The following PRKCB variants were observed in gnomAD, a reference collection of about 807,000 sequenced individuals.
PRKCB encodes the protein protein kinase C beta.
Under a neutral mutation model 81.5 loss-of-function variants are expected in PRKCB, and 13 were observed. The ratio of observed to expected loss-of-function variants is 0.16; its 90% CI spans 0.10 to 0.25. PRKCB has a LOEUF of 0.25. PRKCB is among the 10% of genes least tolerant of loss of function. The pLI is 1.00. For synonymous variants in PRKCB, 335 were observed against 321.4 expected (o/e 1.04, Z -0.45); for missense variants, 509 against 875.7 (o/e 0.58, Z 5.29).
chr16:24,104,872 G>T (rs980410242), intron 7 of PRKCB, among the ~76,000 whole-genome samples: 1 of 152,142 alleles, frequency 6.6e-6, no homozygotes, highest in African/African-American at 2.4e-5. Context: ...GCCTTGTCAG[G>T]ACTTTGTCTT....
intron 13 of PRKCB, among the ~76,000 whole-genome samples, chr16:24,182,136 C>T (rs1256766681): frequency 2.0e-5 from 3 of 152,066 alleles, no homozygotes; most frequent in Non-Finnish European, 4.4e-5. Context: ...GGACACAATC[C>T]ATAACACAAC....
At chr16:24,094,809 G>GAGGA (rs71154277) in intron 7 of PRKCB, among the ~76,000 whole-genome samples, 27,344 of 116,514 alleles carry the variant, frequency 0.23, 3,681 homozygotes, top group Non-Finnish European at 0.28. Flanking sequence ...GGAAGGGAGG[G>GAGGA]AGGAAGGAAG....
intron 9 of PRKCB, among the ~76,000 whole-genome samples, chr16:24,137,749 C>T (rs1966869853): frequency 6.6e-6 from 1 of 152,176 alleles, no homozygotes; most frequent in South Asian, 2.1e-4. Context: ...CAGCATAACC[C>T]ATAATCTTTT....
At position 24,212,402 on chromosome 16, in the gene PRKCB, TAAAA is replaced by T. The variant is rs35650101; in HGVS notation, c.1864-2239_1864-2236del. ...TTTCCACTCCCCATATTCTGTGCTTTAAAAAAAAAAAAAAAAAAAAGGTTTTTCA... is the reference window on the plus strand; with the variant it reads ...TTTCCACTCCCCATATTCTGTGCTTTAAAAAAAAAAAAAAAAGGTTTTTCA... On this transcript the variant is annotated intron_variant, in intron 16 of 16. Transcript: ENST00000643927. 4.0e-4 allele frequency among the ~76,000 whole-genome samples: 39 copies of T among 97,164 alleles called. 1 individual carries two copies. Among genetic ancestry groups the T allele is most frequent in the African/African-American group, 1.5e-3 (37 of 24,796 alleles). 63.7% of individuals were successfully genotyped at this position (97,164 alleles called of 152,430 possible). A position where few individuals can be genotyped will look rare whatever the true frequency, so the allele number is the denominator to read the frequency against.
chr16:24,135,417 A>G (rs540154818), intron 9 of PRKCB, among the ~76,000 whole-genome samples: 1 of 150,728 alleles, frequency 6.6e-6, no homozygotes, highest in East Asian at 2.0e-4. Context: ...GGTTCAAGCA[A>G]TTCTCCTGCC....
At chr16:23,970,582 A>G (rs1397848503) in intron 2 of PRKCB, among the ~76,000 whole-genome samples, 1 of 152,270 alleles carries the variant, frequency 6.6e-6, no homozygotes, top group East Asian at 1.9e-4. Flanking sequence ...GCAGAATATG[A>G]CTTTGGAGTC....
chr16:24,211,499 G>A (rs1400874735), intron 16 of PRKCB, among the ~76,000 whole-genome samples: 1 of 151,484 alleles, frequency 6.6e-6, no homozygotes, highest in African/African-American at 2.4e-5. Flanking sequence ...AACTTGCCCA[G>A]AGTTGCACAG....
intron 16 of PRKCB, among the ~76,000 whole-genome samples, chr16:24,207,652 A>G (rs1036745433): frequency 6.6e-6 from 1 of 152,196 alleles, no homozygotes; most frequent in Non-Finnish European, 1.5e-5. Flanking sequence ...TGTTTTCCCT[A>G]TTGGCCCATA....
chr16:24,059,502 A>G (rs1339885234), intron 5 of PRKCB, among the ~76,000 whole-genome samples: 3 of 151,608 alleles, frequency 2.0e-5, no homozygotes, highest in Non-Finnish European at 4.4e-5. Context: ...TACAAAAAAA[A>G]ATTTTTTTTT....
intron 4 of PRKCB, among the ~76,000 whole-genome samples, chr16:24,033,955 C>T (rs189737163): frequency 1.3e-5 from 2 of 152,024 alleles, no homozygotes; most frequent in East Asian, 3.9e-4. Flanking sequence ...AGGCCAGAGA[C>T]AAGTGCAGAG....
chr16:23,918,389 A>T (rs58593336), intron 2 of PRKCB, among the ~76,000 whole-genome samples: 141,654 of 148,374 alleles, frequency 0.95, 67,635 homozygotes, highest in East Asian at 0.99. Context: ...TTTTATTATT[A>T]TTATTATTAT....
At chr16:23,993,232 G>A (rs957174085) in intron 3 of PRKCB, among the ~76,000 whole-genome samples, 3 of 152,142 alleles carry the variant, frequency 2.0e-5, no homozygotes, top group Admixed American at 6.5e-5. Context: ...GATATTAAGG[G>A]GGTAGGATAA....
At chr16:23,995,278 G>A (rs1964940016) in intron 3 of PRKCB, among the ~76,000 whole-genome samples, 1 of 152,152 alleles carries the variant, frequency 6.6e-6, no homozygotes, top group Non-Finnish European at 1.5e-5. Context: ...CTGGTTTTCA[G>A]TAGGGCCCAG....
At chr16:24,201,663 T>C (rs1967959146) in intron 16 of PRKCB, among the ~76,000 whole-genome samples, 1 of 151,960 alleles carries the variant, frequency 6.6e-6, no homozygotes, top group Non-Finnish European at 1.5e-5. Flanking sequence ...ATCCAGACAT[T>C]TTGAAAAAAG....
At chr16:24,095,835 CG>C (rs1304292984) in intron 7 of PRKCB, among the ~76,000 whole-genome samples, 2 of 151,956 alleles carry the variant, frequency 1.3e-5, no homozygotes, top group Non-Finnish European at 2.9e-5. Flanking sequence ...ATCTTATCTG[CG>C]GGGGTCATTG....
At chr16:24,014,046 C>T (rs1965241640) in intron 3 of PRKCB, among the ~76,000 whole-genome samples, 1 of 152,214 alleles carries the variant, frequency 6.6e-6, no homozygotes, top group Admixed American at 6.5e-5. Flanking sequence ...TACAGAGGAT[C>T]TTTCTGCTCT....
intron 2 of PRKCB, among the ~76,000 whole-genome samples, chr16:23,864,834 T>C (rs1197022118): frequency 6.6e-6 from 1 of 152,144 alleles, no homozygotes; most frequent in Non-Finnish European, 1.5e-5. Flanking sequence ...GTCGCGCCAC[T>C]CACATAGTGA....
chr16:23,840,125 C>G (rs1276741682), intron 2 of PRKCB, among the ~76,000 whole-genome samples: 1 of 152,178 alleles, frequency 6.6e-6, no homozygotes, highest in African/African-American at 2.4e-5. Context: ...GGAAATTTAT[C>G]CCTGGTACTC....
chr16:23,990,588 A>G (rs1964873104), intron 3 of PRKCB, among the ~76,000 whole-genome samples: 1 of 147,272 alleles, frequency 6.8e-6, no homozygotes, highest in Admixed American at 7.0e-5. Context: ...TCTGTTGCCC[A>G]GGCCAGAGTG....
Sources: gnomAD v4.1 joint callset for allele counts (sites outside exome capture counted in the v4.1 genomes callset) on GRCh38, gnomAD v4.1.1 for gene constraint, MANE v1.5 for transcripts, NCBI Gene and HGNC (gene_info 2026-07-23, HGNC 2026-07-21) for gene names.